WDPCP: variants seen among roughly 807,000 people sequenced by gnomAD.
WDPCP encodes WD repeat-containing and planar cell polarity effector protein fritz homolog.
Under a neutral mutation model 93.1 loss-of-function variants are expected in WDPCP, and 71 were observed. That is an observed-to-expected ratio of 0.76 (90% confidence interval 0.63 to 0.93). The LOEUF (loss-of-function observed/expected upper bound fraction) is 0.93. WDPCP is among the 40% of genes least tolerant of loss of function. The pLI is 0.00. For synonymous variants in WDPCP, 315 were observed against 315.0 expected, an observed-to-expected ratio of 1.00 and a Z score of 0.00; for missense variants, 844 against 887.4, an observed-to-expected ratio of 0.95 and a Z score of 0.62.
chr2:63,689,066 T>G (rs1453739758), intron 2 of WDPCP, among the ~76,000 whole-genome samples: 1 of 152,194 alleles, frequency 6.6e-6, no homozygotes, highest in African/African-American at 2.4e-5. Flanking sequence ...CAAATACACT[T>G]CTGTTCTTTA....
At chr2:63,239,138 T>C (rs1423274161) in intron 14 of WDPCP, among the ~76,000 whole-genome samples, 1 of 152,210 alleles carries the variant, frequency 6.6e-6, no homozygotes, top group Admixed American at 6.6e-5. Context: ...GGAGCTGAAA[T>C]AGATCAGCTT....
At chr2:63,351,886 C>A (rs188630054) in intron 12 of WDPCP, among the ~76,000 whole-genome samples, 3 of 152,224 alleles carry the variant, frequency 2.0e-5, no homozygotes, top group Non-Finnish European at 4.4e-5. Flanking sequence ...ACACTCCCAA[C>A]AACAGTATAT....
intron 1 of WDPCP, among the ~76,000 whole-genome samples, chr2:63,579,404 G>GT (rs1708342578): frequency 6.6e-6 from 1 of 152,162 alleles, no homozygotes; most frequent in African/African-American, 2.4e-5. Context: ...GAGGTCAGGA[G>GT]TTTGAGACCA....
At chr2:63,450,520 A>T (rs1698167359) in intron 6 of WDPCP, among the ~76,000 whole-genome samples, 1 of 152,106 alleles carries the variant, frequency 6.6e-6, no homozygotes, top group African/African-American at 2.4e-5. Flanking sequence ...TAAACAAACC[A>T]TCTGAAGGTC....
intron 2 of WDPCP, among the ~76,000 whole-genome samples, chr2:63,759,832 G>A (rs1484040523): frequency 6.6e-6 from 1 of 152,244 alleles, no homozygotes; most frequent in Non-Finnish European, 1.5e-5. Context: ...CTGGATGAGG[G>A]TTAGGCTAGA....
intron 2 of WDPCP, among the ~76,000 whole-genome samples, chr2:63,658,703 C>A (rs891504428): frequency 6.6e-6 from 1 of 152,210 alleles, no homozygotes. Flanking sequence ...CACCCCCAAC[C>A]TGTGTAATGG....
intron 12 of WDPCP, among the ~76,000 whole-genome samples, chr2:63,339,668 G>A (rs1688697590): frequency 1.3e-5 from 2 of 152,010 alleles, no homozygotes; most frequent in African/African-American, 4.8e-5. Context: ...TTTCCAGTTT[G>A]GATGCCCTTT....
intron 2 of WDPCP, among the ~76,000 whole-genome samples, chr2:63,693,357 C>A (rs1167729698): frequency 1.3e-5 from 2 of 151,628 alleles, no homozygotes; most frequent in Admixed American, 6.6e-5. Context: ...TAATAAAATA[C>A]CATATTAGTG....
intron 1 of WDPCP, among the ~76,000 whole-genome samples, chr2:63,587,881 G>A (rs2106580428): frequency 6.6e-6 from 1 of 152,324 alleles, no homozygotes; most frequent in South Asian, 2.1e-4. Context: ...ATTCACGGAG[G>A]GCTTAGAGCA....
At chr2:63,835,367 G>T in the WDPCP span, among the ~76,000 whole-genome samples, 1 of 144,818 alleles carries the variant, frequency 6.9e-6, no homozygotes, top group Non-Finnish European at 1.5e-5. Context: ...TCCAGCCTGG[G>T]TGACAGAGCG....
intron 1 of WDPCP, among the ~76,000 whole-genome samples, chr2:63,515,437 A>G (rs1317191176): frequency 6.6e-6 from 1 of 152,208 alleles, no homozygotes; most frequent in African/African-American, 2.4e-5. Flanking sequence ...AAGATGCTCA[A>G]TAAAAGGTTG....
At chr2:63,739,801 T>C (rs1428184058) in intron 2 of WDPCP, among the ~76,000 whole-genome samples, 3 of 152,114 alleles carry the variant, frequency 2.0e-5, no homozygotes, top group Admixed American at 2.0e-4. Flanking sequence ...TATCCCACTC[T>C]GGTTTTGATT....
intron 2 of WDPCP, among the ~76,000 whole-genome samples, chr2:63,771,204 GA>G (rs1339255287): frequency 6.6e-6 from 1 of 150,966 alleles, no homozygotes; most frequent in African/African-American, 2.4e-5. Context: ...CTAATATCGA[GA>G]ATGAAAAGGA....
intron 12 of WDPCP, among the ~76,000 whole-genome samples, chr2:63,320,404 A>C (rs1472367975): frequency 6.6e-6 from 1 of 152,174 alleles, no homozygotes; most frequent in Non-Finnish European, 1.5e-5. Context: ...AGAAACAGTA[A>C]ATACCTGGGC....
At chr2:63,581,225 A>C (rs1212092639) in intron 1 of WDPCP, among the ~76,000 whole-genome samples, 1 of 152,192 alleles carries the variant, frequency 6.6e-6, no homozygotes, top group Non-Finnish European at 1.5e-5. Context: ...CAGTGCAAGG[A>C]AGGGGAAACC....
At chr2:63,542,146 G>A (rs1005532634) in intron 1 of WDPCP, among the ~76,000 whole-genome samples, 1 of 152,120 alleles carries the variant, frequency 6.6e-6, no homozygotes, top group Non-Finnish European at 1.5e-5. Context: ...CGTGTCAAAT[G>A]TGAGGACTCC....
intron 2 of WDPCP, among the ~76,000 whole-genome samples, chr2:63,714,884 C>CA (rs113282334): frequency 0.017 from 2,536 of 152,298 alleles, 22 homozygotes; most frequent in African/African-American, 0.017. Context: ...CATAGCAGCA[C>CA]ATTCACAATA....
At chr2:63,137,228 TG>T (rs544779399) in intron 17 of WDPCP, among the ~76,000 whole-genome samples, 24 of 152,152 alleles carry the variant, frequency 1.6e-4, no homozygotes, top group Admixed American at 3.3e-4. Context: ...CTGTTGTTGT[TG>T]TTGTTGTTGT....
intron 2 of WDPCP, among the ~76,000 whole-genome samples, chr2:63,813,078 C>T (rs115634893): frequency 2.3e-3 from 353 of 152,062 alleles, no homozygotes; most frequent in African/African-American, 7.9e-3. Flanking sequence ...TGGTCTTGTA[C>T]TGCTGGGCTC....
Sources: allele counts gnomAD v4.1 joint callset (sites outside exome capture counted in the v4.1 genomes callset), GRCh38; gene constraint gnomAD v4.1.1; transcripts MANE v1.5; gene names NCBI Gene and HGNC (gene_info 2026-07-23, HGNC 2026-07-21).